ATP12A: variants seen among roughly 807,000 people sequenced by gnomAD.
The protein encoded by ATP12A is potassium-transporting ATPase alpha chain 2.
A neutral mutation model predicts 111.2 loss-of-function variants in ATP12A; 81 were observed. That is an observed-to-expected ratio of 0.73 (90% CI 0.61 to 0.88). The LOEUF (loss-of-function observed/expected upper bound fraction) is 0.88, where lower values mean the gene tolerates loss of function less well. ATP12A is among the 40% of genes least tolerant of loss of function. The pLI is 0.00. For missense variants in ATP12A, 1,196 were observed against 1,313.1 expected (o/e 0.91, Z 1.38); for synonymous variants, 498 against 499.8 (o/e 1.00, Z 0.05).
chr13:24,691,448 G>A (rs1425226420), intron 8 of ATP12A, among the ~76,000 whole-genome samples, 198 bp downstream of exon 8: 1 of 152,164 alleles, frequency 6.6e-6, no homozygotes, highest in Non-Finnish European at 1.5e-5. Flanking sequence ...ATTTGACTGC[G>A]TTTTCCTTGA....
In ATP12A at chr13:24,680,619, C is replaced by G. The variant is rs1182599953; in HGVS notation, c.-125C>G. 5.0e-6 allele frequency: 6 copies of G among 1,196,684 alleles called. No homozygotes were observed. In the East Asian group the frequency reaches 1.2e-4, roughly 25 times the overall value. 74.1% of individuals were successfully genotyped at this position (1,196,684 alleles called of 1,614,324 possible). On this transcript the variant is annotated 5_prime_UTR_variant, in exon 1 of 23. In the 5' UTR this introduces an upstream ATG that the reference lacks. Transcript: ENST00000381946. ...GCAGGGCCCGCGCCGCCGCCGGTAT[C>G]TCCACCGCCAACACCTCAGCCACTG...
chr13:24,707,165 C>T lies in ATP12A; in HGVS notation c.2312C>T (p.Ala771Val), dbSNP rs755643840. Residue 771 changes from alanine to valine, a missense_variant, in exon 16 of 23, where the codon GCA becomes GTA. This residue lies in a region of ATP12A where 1,126 missense variants were observed against 1,228.5 expected (regional missense o/e 0.92). Transcript: ENST00000381946. ...ATGGTCTTGCTGGACGACAACTTCG[C>T]ATCCATCGTCACAGGGGTGGAGGAA... ...ADMVLLDDNF[A>V]SIVTGVEEGR... 1 of 1,613,952 alleles carries T rather than the reference C, an allele frequency of 6.2e-7. No homozygotes were observed. Among genetic ancestry groups the T allele is most frequent in the East Asian group, 2.2e-5 (1 of 44,886 alleles).
At chr13:24,682,123 G>GTGTA (rs1566068011) in intron 2 of ATP12A, among the ~76,000 whole-genome samples, 4 of 119,344 alleles carry the variant, frequency 3.4e-5, no homozygotes, top group Admixed American at 8.3e-5. Flanking sequence ...TGTGTGGTGT[G>GTGTA]TGTGTGTGGT....
At position 24,685,892 on chromosome 13, in the gene ATP12A, G is replaced by T. The variant is rs1388120265; in HGVS notation, c.228+519G>T. Among the ~76,000 whole-genome samples the T allele has an allele frequency of 9.2e-5, 14 of 152,172 alleles. No homozygotes were observed. Among genetic ancestry groups the T allele is most frequent in the Admixed American group, 9.2e-4 (14 of 15,282 alleles). ...TGCCGGAAGCTAGTATGTGTGGAGA[G>T]GGGACAGGTGCAGCAGGAATGAAGC... On this transcript the variant is annotated intron_variant, in intron 3 of 22. Coordinates refer to ENST00000381946, the MANE Select transcript of ATP12A (RefSeq NM_001676.7). This position sits in a 1 kb window ranked among gnomAD's most constrained non-coding sequence, Gnocchi z 5.5.
chr13:24,682,401 A>ACGTGTGTGTGTGTGTGTG (rs1555253823), intron 2 of ATP12A, among the ~76,000 whole-genome samples: 2,738 of 131,226 alleles, frequency 0.021, 124 homozygotes, highest in African/African-American at 0.042. Flanking sequence ...TGGTGTGTGT[A>ACGTGTGTGTGTGTGTGTG]TGTGTGTGTG....
At chr13:24,682,558 G>C (rs8001545) in intron 2 of ATP12A, among the ~76,000 whole-genome samples, 149,648 of 152,262 alleles carry the variant, frequency 0.98, 73,588 homozygotes, top group East Asian at 1. Flanking sequence ...CTCTCTCCCC[G>C]CAGCTGCTTC....
chr13:24,681,388 G>C (rs1356929053), intron 1 of ATP12A, among the ~76,000 whole-genome samples, 174 bp from the exon 2 acceptor site: 1 of 152,154 alleles, frequency 6.6e-6, no homozygotes, highest in African/African-American at 2.4e-5. Context: ...GCCAAGGTCG[G>C]CGGGAGGTGG....
In ATP12A at chr13:24,683,787, G is replaced by A. The variant is rs144702885; in HGVS notation, c.169-1527G>A. ...GGGAAAAGACAGCACAGCACCAGAC[G>A]ATAGATCGTTCTTATTATTTCCCAT... On this transcript the variant is annotated intron_variant, in intron 2 of 22. Transcript: ENST00000381946. Among the ~76,000 whole-genome samples the A allele has an allele frequency of 7.2e-3, 1,097 of 152,258 alleles. 17 individuals are homozygous for A. The highest frequency in any genetic ancestry group is 0.025 in the African/African-American group (1,043 of 41,554).
At chr13:24,682,261 G>GGT (rs1874501101) in intron 2 of ATP12A, among the ~76,000 whole-genome samples, 1 of 133,680 alleles carries the variant, frequency 7.5e-6, no homozygotes, top group Non-Finnish European at 1.6e-5. Context: ...TGTAGCGTGT[G>GGT]GTGTGTGTGT....
In ATP12A at chr13:24,711,014, A is replaced by T. The variant is rs1304719475; in HGVS notation, c.2999+121A>T. ...AAGTCTTTCAAAAGACGTCAAACTGATCCCATGCTCTGTGAGCCCAAAGCT... is the reference window on the plus strand; with the variant it reads ...AAGTCTTTCAAAAGACGTCAAACTGTTCCCATGCTCTGTGAGCCCAAAGCT... On this transcript the variant is annotated intron_variant, in intron 21 of 22. Coordinates refer to ENST00000381946, the MANE Select transcript of ATP12A (RefSeq NM_001676.7). The T allele has an allele frequency of 4.3e-6, 4 of 919,888 alleles. No individual in the cohort carries two copies. In the East Asian group the frequency reaches 1.0e-4, roughly 24 times the overall value. The allele number at this position is 919,888 out of a possible 1,614,324, so 57.0% of individuals were successfully genotyped here.
chr13:24,690,965 A>G lies in ATP12A; in HGVS notation c.800-17A>G, dbSNP rs7981616. The G allele has an allele frequency of 0.24, 388,226 of 1,611,324 alleles. 51,174 individuals are homozygous for G. The highest frequency in any genetic ancestry group is 0.5 in the East Asian group (22,488 of 44,808). On this transcript the variant is annotated splice_polypyrimidine_tract_variant and intron_variant, in intron 7 of 22. Coordinates refer to ENST00000381946, the MANE Select transcript of ATP12A (RefSeq NM_001676.7). ...TGGCTGAGGACCCCTGGAATAAAGC[A>G]TCTACTTCCCCTGTAGGCACTGTCA... is the stretch of plus-strand genomic sequence containing the variant.
Position 24,711,632 on chromosome 13 carries a change from C to A in ATP12A, c.*110C>A. 1 of 1,474,488 alleles carries A rather than the reference C, an allele frequency of 6.8e-7. No individual in the cohort carries two copies. The highest frequency in any genetic ancestry group is 9.3e-7 in the Non-Finnish European group (1 of 1,070,578). The allele number at this position is 1,474,488 out of a possible 1,614,324, so 91.3% of individuals were successfully genotyped here. Reference sequence around the variant, plus strand: ...AGTGCAGACATCGTCAAAATTCAGACAAGAGGAAATTTTCATGCAGAAAGC... The same window carrying A: ...AGTGCAGACATCGTCAAAATTCAGAAAAGAGGAAATTTTCATGCAGAAAGC... On this transcript the variant is annotated 3_prime_UTR_variant, in exon 23 of 23. Transcript: ENST00000381946.
rs760083086 is a variant in ATP12A, at chr13:24,694,536, C to G, written c.1470C>G (p.Arg490=). 5.6e-6 allele frequency: 9 copies of G among 1,613,852 alleles called. No homozygotes were observed. Among genetic ancestry groups the G allele is most frequent in the Non-Finnish European group, 6.8e-6 (8 of 1,180,042 alleles). ...TGATGGAAATTAGAAAAAGAAACCG[C>G]AAAGTAGCTGAAATCCCTTTTAACT... ...GDVMEIRKRN[R]KVAEIPFNST... is the part of the protein sequence containing the mutation. The change falls in exon 11 of 23, where the codon CGC becomes CGG. Residue 490 remains arginine, a synonymous_variant. Coordinates refer to ENST00000381946, the MANE Select transcript of ATP12A (RefSeq NM_001676.7).
rs941863428 is a variant in ATP12A, at chr13:24,685,314, G to A, written c.169G>A (p.Asp57Asn). ...KEEFQKELHL[D>N]DHKLSNRELE... is the part of the protein sequence containing the mutation. The stretch of plus-strand genomic sequence containing the variant: ...CTGTTCTTCCTTTCATGGACTTCAG[G>A]ATGACCACAAACTCAGCAATAGGGA... Residue 57 changes from aspartate to asparagine, a missense_variant and splice_region_variant, in exon 3 of 23, where the codon GAT becomes AAT. Around this residue, in one of 3 missense-constraint regions of ATP12A, gnomAD observed 67 missense variants for 64.0 expected, o/e 1.05. Transcript: ENST00000381946. This position sits in a 1 kb window ranked among gnomAD's most constrained non-coding sequence, Gnocchi z 5.5. 5.0e-6 allele frequency: 8 copies of A among 1,613,716 alleles called. No homozygotes were observed. Among genetic ancestry groups the A allele is most frequent in the Non-Finnish European group, 6.8e-6 (8 of 1,179,772 alleles).
chr13:24,704,722 G>T, intron 14 of ATP12A: 1 of 241,322 alleles, frequency 4.1e-6, no homozygotes, highest in South Asian at 5.0e-5. Context: ...CTACGAATGT[G>T]GGAAGGTGCA....
At position 24,683,642 on chromosome 13, in the gene ATP12A, A is replaced by G. The variant is rs182469066; in HGVS notation, c.169-1672A>G. On this transcript the variant is annotated intron_variant, in intron 2 of 22. Transcript: ENST00000381946. ...AGACATTTAAGAACGCTTCCCTGAA[A>G]CTGGACTGACCTCAATTCAAATCCC... 2.0e-5 allele frequency among the ~76,000 whole-genome samples: 3 copies of G among 152,294 alleles called. No individual in the cohort carries two copies. In the East Asian group the frequency reaches 5.8e-4, roughly 29 times the overall value.
intron 11 of ATP12A, among the ~76,000 whole-genome samples, chr13:24,696,603 T>C (rs1445043012): frequency 8.1e-6 from 1 of 124,008 alleles, no homozygotes; most frequent in African/African-American, 2.9e-5. Context: ...TCCCAGCTAC[T>C]CGGGAGGCTG....
At chr13:24,693,026 A>G in intron 10 of ATP12A, 130 bp downstream of exon 10, 1 of 779,820 alleles carries the variant, frequency 1.3e-6, no homozygotes, top group Non-Finnish European at 2.1e-6. Flanking sequence ...AGCAAGTCAG[A>G]CTCACAAGAC....
chr13:24,692,250 C>T (rs17081048), intron 8 of ATP12A, among the ~76,000 whole-genome samples, 179 bp from the exon 9 acceptor site: 9,827 of 151,270 alleles, frequency 0.065, 360 homozygotes, highest in South Asian at 0.12. Flanking sequence ...GCATAGAGGG[C>T]TCTTGGCGGC....
Sources: gnomAD v4.1 joint callset for allele counts (sites outside exome capture counted in the v4.1 genomes callset) on GRCh38, gnomAD v4.1.1 for gene constraint, gnomAD v4.1.1 regional missense constraint, Gnocchi (gnomAD v3.1) non-coding constraint, MANE v1.5 for transcripts, NCBI Gene and HGNC (gene_info 2026-07-23, HGNC 2026-07-21) for gene names.